COL25A1: variants seen among roughly 807,000 people sequenced by gnomAD.
COL25A1 encodes collagen alpha-1(XXV) chain.
COL25A1 carries 103 observed loss-of-function variants against 128.4 expected under a neutral mutation model. The observed-to-expected ratio is 0.80, with a 90% confidence interval of 0.68 to 0.94. The LOEUF is 0.94. COL25A1 is among the 40% of genes least tolerant of loss of function. COL25A1 has a pLI of 0.00. For synonymous variants in COL25A1, 279 were observed against 277.2 expected, an observed-to-expected ratio of 1.01 and a Z score of -0.06; for missense variants, 745 against 840.0, an observed-to-expected ratio of 0.89 and a Z score of 1.40.
At chr4:108,931,490 G>C (rs1386097647) in intron 11 of COL25A1, among the ~76,000 whole-genome samples, 2 of 152,176 alleles carry the variant, frequency 1.3e-5, no homozygotes, top group African/African-American at 2.4e-5. Context: ...CTCAGCTGTT[G>C]AGACTGTCTT....
intron 13 of COL25A1, among the ~76,000 whole-genome samples, chr4:108,913,562 G>A (rs553890205): frequency 2.2e-4 from 34 of 152,150 alleles, no homozygotes; most frequent in African/African-American, 8.2e-4. Context: ...CCGACCTCCA[G>A]CTCCTCTTTC....
Position 108,869,123 on chromosome 4 carries a change from C to T in COL25A1, c.1048G>A (p.Gly350Arg). Reference sequence around the variant, plus strand: ...GGTAAACCTGGTAAGCCTGGTTCTCCTTGAGGACCAATGAAACCTGGTTCT... The same window carrying T: ...GGTAAACCTGGTAAGCCTGGTTCTCTTTGAGGACCAATGAAACCTGGTTCT... Reference protein sequence around the residue: ...KGEPGFIGPQGEPGLPGLPGT... With the variant: ...KGEPGFIGPQREPGLPGLPGT... Residue 350 changes from glycine (G) to arginine (R), a missense_variant, in exon 20 of 38, where the codon GGA becomes AGA. By Grantham distance (125) the Gly-to-Arg change is moderately radical. Coordinates refer to ENST00000399132, the MANE Select transcript of COL25A1 (RefSeq NM_198721.4). 5.2e-6 allele frequency: 8 copies of T among 1,551,872 alleles called. No individual in the cohort carries two copies. The highest frequency in any genetic ancestry group is 6.9e-6 in the Non-Finnish European group (8 of 1,155,066).
chr4:108,921,857 C>G (rs527800919), intron 11 of COL25A1, among the ~76,000 whole-genome samples: 2 of 152,258 alleles, frequency 1.3e-5, no homozygotes, highest in African/African-American at 4.8e-5. Flanking sequence ...TCTGTGTGGT[C>G]AGACATTCTC....
chr4:108,980,267 G>A (rs533112939), intron 6 of COL25A1, among the ~76,000 whole-genome samples: 2 of 152,278 alleles, frequency 1.3e-5, no homozygotes, highest in South Asian at 2.1e-4. Context: ...TTTGAATTAA[G>A]GTTGTGCTAG....
intron 3 of COL25A1, among the ~76,000 whole-genome samples, chr4:109,088,916 T>C (rs916726273): frequency 2.0e-5 from 3 of 152,240 alleles, no homozygotes; most frequent in African/African-American, 4.8e-5. Context: ...GTTTTAATAC[T>C]GTGGTACCCT....
At chr4:109,136,004 C>T (rs1560749236) in intron 3 of COL25A1, among the ~76,000 whole-genome samples, 1 of 152,122 alleles carries the variant, frequency 6.6e-6, no homozygotes. Flanking sequence ...TTCATTTATC[C>T]ATTCATTCAA....
At chr4:109,180,521 T>G (rs1432567073) in intron 3 of COL25A1, among the ~76,000 whole-genome samples, 1 of 152,184 alleles carries the variant, frequency 6.6e-6, no homozygotes, top group East Asian at 1.9e-4. Flanking sequence ...ACAGGATTGC[T>G]GTAATAATTA....
intron 3 of COL25A1, among the ~76,000 whole-genome samples, chr4:109,149,758 T>A (rs1771292021): frequency 6.6e-6 from 1 of 152,154 alleles, no homozygotes; most frequent in Admixed American, 6.5e-5. Flanking sequence ...ATGGGTATTT[T>A]AAAATATGTA....
chr4:108,915,519 T>C (rs1417582433), intron 13 of COL25A1, among the ~76,000 whole-genome samples: 1 of 152,178 alleles, frequency 6.6e-6, no homozygotes, highest in African/African-American at 2.4e-5. Flanking sequence ...CTTAAAATAG[T>C]ATACTTTTCT....
At chr4:109,003,466 A>C (rs1182770645) in intron 6 of COL25A1, among the ~76,000 whole-genome samples, 1 of 152,232 alleles carries the variant, frequency 6.6e-6, no homozygotes, top group Non-Finnish European at 1.5e-5. Context: ...CATTTCAATA[A>C]ATTTAGCCTT....
intron 3 of COL25A1, among the ~76,000 whole-genome samples, chr4:109,125,167 C>T (rs964195442): frequency 6.6e-6 from 1 of 152,090 alleles, no homozygotes; most frequent in Non-Finnish European, 1.5e-5. Context: ...TAAAGTTAAA[C>T]TCTATCTATT....
chr4:109,103,655 T>C (rs889863933), intron 3 of COL25A1, among the ~76,000 whole-genome samples: 4 of 152,172 alleles, frequency 2.6e-5, no homozygotes, highest in African/African-American at 9.7e-5. Context: ...AGGAATGAAG[T>C]CTTTTGAGAA....
intron 35 of COL25A1, among the ~76,000 whole-genome samples, chr4:108,819,636 C>T (rs1731585223): frequency 6.6e-6 from 1 of 152,044 alleles, no homozygotes; most frequent in Admixed American, 6.6e-5. Flanking sequence ...AGCTAGTGGC[C>T]CAAGACGAGA....
At chr4:109,124,198 T>C (rs1768377131) in intron 3 of COL25A1, among the ~76,000 whole-genome samples, 1 of 152,072 alleles carries the variant, frequency 6.6e-6, no homozygotes, top group Non-Finnish European at 1.5e-5. Flanking sequence ...CTGCTCCTTA[T>C]ATTTCTTTAA....
intron 3 of COL25A1, among the ~76,000 whole-genome samples, chr4:109,244,215 G>C (rs1578532364): frequency 6.6e-6 from 1 of 151,076 alleles, no homozygotes; most frequent in African/African-American, 2.4e-5. Flanking sequence ...CCTAAGTCGA[G>C]GTAAACCGAA....
chr4:108,940,210 G>A (rs968402616), intron 10 of COL25A1, among the ~76,000 whole-genome samples: 1 of 152,144 alleles, frequency 6.6e-6, no homozygotes, highest in Non-Finnish European at 1.5e-5. Flanking sequence ...GGATACACCT[G>A]GGAATGGGCA....
intron 3 of COL25A1, among the ~76,000 whole-genome samples, chr4:109,288,395 T>A (rs1180248708): frequency 6.6e-6 from 1 of 152,138 alleles, no homozygotes; most frequent in Admixed American, 6.6e-5. Flanking sequence ...TGGAATTGAT[T>A]TACTCACAAA....
chr4:108,921,221 T>C (rs907225599), intron 11 of COL25A1, among the ~76,000 whole-genome samples: 8 of 152,172 alleles, frequency 5.3e-5, no homozygotes, highest in South Asian at 2.1e-4. Flanking sequence ...TAGACTAAGA[T>C]ACTGGGTGGA....
chr4:108,840,242 CA>C (rs34039825), intron 31 of COL25A1, among the ~76,000 whole-genome samples: 3,219 of 95,310 alleles, frequency 0.034, 85 homozygotes, highest in African/African-American at 0.11. Context: ...AACGCCATCT[CA>C]AAAAAAAAAA....
Sources: gnomAD v4.1 joint callset for allele counts (sites outside exome capture counted in the v4.1 genomes callset) on GRCh38, gnomAD v4.1.1 for gene constraint, MANE v1.5 for transcripts, NCBI Gene and HGNC (gene_info 2026-07-23, HGNC 2026-07-21) for gene names.